DMC1: variants seen among roughly 807,000 people sequenced by gnomAD.
DMC1 encodes the protein DNA meiotic recombinase 1.
A neutral mutation model predicts 50.1 loss-of-function variants in DMC1; 27 were observed. The ratio of observed to expected loss-of-function variants is 0.54; its 90% confidence interval spans 0.40 to 0.74. The LOEUF is 0.74. Among genes scored for constraint, DMC1 ranks in the 30% least tolerant of loss-of-function variants. DMC1 has a pLI of 0.00. For synonymous variants in DMC1, 148 were observed against 136.1 expected (o/e 1.09, Z -0.61); for missense variants, 295 against 420.2 (o/e 0.70, Z 2.60).
intron 9 of DMC1, 86 bp downstream of exon 9, chr22:38,539,235 G>A (rs1271370010): frequency 3.3e-5 from 31 of 948,402 alleles, no homozygotes; most frequent in African/African-American, 8.1e-5. Flanking sequence ...TAGAAAAAAA[G>A]TATCAAAATG....
chr22:38,516,501 A>T (rs778695081), downstream of DMC1, among the ~76,000 whole-genome samples: 5 of 152,204 alleles, frequency 3.3e-5, no homozygotes, highest in Non-Finnish European at 7.3e-5. Flanking sequence ...CCCCCTCTCC[A>T]GGGCTCCTCA....
At chr22:38,541,543 C>T (rs1241452742) in intron 8 of DMC1, among the ~76,000 whole-genome samples, 5 of 152,194 alleles carry the variant, frequency 3.3e-5, no homozygotes, top group East Asian at 1.9e-4. Context: ...CCACCCACCT[C>T]GGCCTCTCAA....
chr22:38,567,727 A>C, intron 2 of DMC1, 100 bp from the exon 3 acceptor site: 1 of 874,250 alleles, frequency 1.1e-6, no homozygotes, highest in Non-Finnish European at 1.9e-6. Context: ...TCACTCCAAA[A>C]TGCCTCAAAT....
intron 8 of DMC1, among the ~76,000 whole-genome samples, chr22:38,547,476 T>G (rs528462419): frequency 6.6e-6 from 1 of 152,282 alleles, no homozygotes; most frequent in Non-Finnish European, 1.5e-5. Flanking sequence ...ATAGGTCTTC[T>G]TTGTTATTAA....
downstream of DMC1, among the ~76,000 whole-genome samples, chr22:38,515,489 A>G (rs1179350068): frequency 4.7e-5 from 7 of 150,136 alleles, no homozygotes; most frequent in South Asian, 1.5e-3. Flanking sequence ...AAAAAAAAAA[A>G]AAGAAAGAAA....
chr22:38,510,139 G>C, the DMC1 span, among the ~76,000 whole-genome samples: 248 of 152,126 alleles, frequency 1.6e-3, no homozygotes, highest in Admixed American at 4.1e-3. Flanking sequence ...AATTGGGGAG[G>C]TGGAGGTTGT....
At chr22:38,511,714 G>A in the DMC1 span, among the ~76,000 whole-genome samples, 12 of 152,188 alleles carry the variant, frequency 7.9e-5, no homozygotes, top group East Asian at 2.3e-3. Context: ...CGATCCTCAC[G>A]CCTCAGCTGC....
intron 12 of DMC1, among the ~76,000 whole-genome samples, chr22:38,525,375 A>T (rs199896155): frequency 6.6e-6 from 1 of 152,172 alleles, no homozygotes; most frequent in East Asian, 1.9e-4. Flanking sequence ...CCCCAGTTGA[A>T]GCACCATGCC....
At position 38,526,785 on chromosome 22, in the gene DMC1, T is replaced by G. The variant is rs139370281; in HGVS notation, c.837-5061A>C. Among the ~76,000 whole-genome samples, 86 of 152,268 alleles carry G rather than the reference T, an allele frequency of 5.6e-4. No homozygotes were observed. In the East Asian group the frequency reaches 0.014, roughly 25 times the overall value. On this transcript the variant is annotated intron_variant, in intron 12 of 13. Coordinates refer to ENST00000216024, the MANE Select transcript of DMC1 (RefSeq NM_007068.4). ...CCATATCTAGTAAATAATTTCAGATTAAAATTTGGATTCCTATTGAGGTCT... is the reference window on the plus strand; with the variant it reads ...CCATATCTAGTAAATAATTTCAGATGAAAATTTGGATTCCTATTGAGGTCT...
chr22:38,521,554 C>T (rs1015592431), intron 13 of DMC1, 54 bp downstream of exon 13: 4 of 898,368 alleles, frequency 4.5e-6, no homozygotes, highest in South Asian at 1.3e-5. Flanking sequence ...CACACACACA[C>T]ACACACACAC....
chr22:38,534,559 C>A lies in DMC1; in HGVS notation c.836+3033G>T, dbSNP rs185705992. Among the ~76,000 whole-genome samples, 281 of 150,292 alleles carry A rather than the reference C, an allele frequency of 1.9e-3. 1 individual carries two copies. Among genetic ancestry groups the A allele is most frequent in the Middle Eastern group, 7.4e-3 (2 of 270 alleles). On this transcript the variant is annotated intron_variant, in intron 12 of 13. Coordinates refer to ENST00000216024, the MANE Select transcript of DMC1 (RefSeq NM_007068.4). ...CTCTACTAAAAATACAAAAATTAGC[C>A]GGCCATGGTGGCAGGCGCCTGTAAT... is the stretch of plus-strand genomic sequence containing the variant.
In DMC1 at chr22:38,566,622, C is replaced by G; in HGVS notation, c.211G>C (p.Asp71His). ...NVKGLSEAKV[D>H]KIKEAANKLI... is the part of the protein sequence containing the mutation. ...TTGTTCGCTGCCTCTTTAATCTTGT[C>G]TACTTTGGCTTCTGAGAGTCCTTTG... is the stretch of plus-strand genomic sequence containing the variant. Residue 71 changes from aspartate to histidine, a missense_variant, in exon 4 of 14, where the codon GAC becomes CAC. Coordinates refer to ENST00000216024, the MANE Select transcript of DMC1 (RefSeq NM_007068.4). 6.2e-7 allele frequency: 1 copy of G among 1,614,190 alleles called. No homozygotes were observed. The highest frequency in any genetic ancestry group is 8.5e-7 in the Non-Finnish European group (1 of 1,180,020).
Position 38,521,741 on chromosome 22 carries a change from C to G in DMC1, c.837-17G>C. On this transcript the variant is annotated splice_polypyrimidine_tract_variant and intron_variant, in intron 12 of 13. Transcript: ENST00000216024. ...GCCTGAAAGCTGAATTAATAAAATA[C>G]TCTTTCAGGTTTCATCATATGGACT... 6.5e-7 allele frequency: 1 copy of G among 1,545,208 alleles called. No homozygotes were observed. The highest frequency in any genetic ancestry group is 8.9e-7 in the Non-Finnish European group (1 of 1,117,552).
intron 13 of DMC1, 21 bp downstream of exon 13, chr22:38,521,587 A>G (rs746238319): frequency 6.6e-5 from 96 of 1,446,026 alleles, no homozygotes; most frequent in Non-Finnish European, 5.8e-6. Flanking sequence ...ACACACACAC[A>G]CAAAATAAAA....
chr22:38,547,124 A>G (rs1325275777), intron 8 of DMC1, among the ~76,000 whole-genome samples: 1 of 152,022 alleles, frequency 6.6e-6, no homozygotes, highest in Non-Finnish European at 1.5e-5. Context: ...CTAATCATGA[A>G]CTCCTGGCCT....
chr22:38,550,284 T>C (rs1013348377), intron 7 of DMC1, among the ~76,000 whole-genome samples: 1 of 151,888 alleles, frequency 6.6e-6, no homozygotes, highest in Non-Finnish European at 1.5e-5. Context: ...AAAATTTAAA[T>C]ATTACTAATT....
chr22:38,552,708 C>T lies in DMC1; in HGVS notation c.380-1G>A. The T allele has an allele frequency of 6.3e-7, 1 of 1,580,052 alleles. No individual in the cohort carries two copies. Among genetic ancestry groups the T allele is most frequent in the Non-Finnish European group, 8.7e-7 (1 of 1,149,644 alleles). On this transcript the variant is annotated splice_acceptor_variant, in intron 6 of 13. Coordinates refer to ENST00000216024, the MANE Select transcript of DMC1 (RefSeq NM_007068.4). LOFTEE classifies it high-confidence loss of function. ...AGCTGGGTTTTTCCAGTACGAAATT[C>T]TGTGAAATACAGAAAAAAATGATTT...
intron 12 of DMC1, among the ~76,000 whole-genome samples, chr22:38,531,670 C>T (rs2090153158): frequency 6.6e-6 from 1 of 151,932 alleles, no homozygotes; most frequent in Admixed American, 6.6e-5. Context: ...ATTTAATATA[C>T]TTTATTAACA....
chr22:38,515,060 G>A (rs778941636), downstream of DMC1, among the ~76,000 whole-genome samples: 6 of 150,674 alleles, frequency 4.0e-5, no homozygotes. Context: ...TAGAGATGGG[G>A]TTTCACCTTG....
Sources: gnomAD v4.1 joint callset for allele counts (sites outside exome capture counted in the v4.1 genomes callset) on GRCh38, gnomAD v4.1.1 for gene constraint, MANE v1.5 for transcripts, NCBI Gene and HGNC (gene_info 2026-07-23, HGNC 2026-07-21) for gene names.